The following SART3 variants were observed in gnomAD, a reference collection of about 807,000 sequenced individuals.
SART3 encodes spliceosome associated factor 3, U4/U6 recycling protein.
In SART3, 44 loss-of-function variants were observed where a neutral mutation model predicts 122.3. The ratio of observed to expected loss-of-function variants is 0.36; its 90% CI spans 0.28 to 0.46. The LOEUF (loss-of-function observed/expected upper bound fraction) is 0.46. Among genes scored for constraint, SART3 ranks in the 20% least tolerant of loss-of-function variants. The pLI, the probability that SART3 is intolerant of heterozygous loss-of-function variation, is 1.00. For missense variants in SART3, 1,101 were observed against 1,229.0 expected, an observed-to-expected ratio of 0.90 and a Z score of 1.56; for synonymous variants, 442 against 454.0, an observed-to-expected ratio of 0.97 and a Z score of 0.34.
At chr12:108,531,351 A>C in intron 13 of SART3, 71 bp from the exon 14 acceptor site, 2 of 1,185,138 alleles carry the variant, frequency 1.7e-6, no homozygotes, top group South Asian at 1.2e-5. Flanking sequence ...AATTTTTCTT[A>C]ATTTCTCTGT....
rs1301283180 is a variant in SART3, at chr12:108,547,836, C to T, written c.544+51G>A. ...TCATAATACAGTCCTCAACAGCAGA[C>T]TGATATATATGACATTGCCAGATAT... is the stretch of plus-strand genomic sequence containing the variant. On this transcript the variant is annotated intron_variant, in intron 3 of 18. Transcript: ENST00000546815. 7 of 1,327,588 alleles carry T rather than the reference C, an allele frequency of 5.3e-6. No individual in the cohort carries two copies. The African/African-American group carries it at 8.6e-5, about 16-fold the overall frequency. The allele number at this position is 1,327,588 out of a possible 1,614,324, so 82.2% of individuals were successfully genotyped here.
chr12:108,560,994 G>T lies in SART3; in HGVS notation c.161C>A (p.Ala54Glu). ...AAATYKTMGP[A>E]WDQQEEGVSE... Reference sequence around the variant, plus strand: ...CACGCCTTCCTCCTGCTGATCCCACGCTGGCCCCATGGTCTTGTATGTCGC... The same window carrying T: ...CACGCCTTCCTCCTGCTGATCCCACTCTGGCCCCATGGTCTTGTATGTCGC... Residue 54 changes from alanine to glutamate, a missense_variant, in exon 1 of 19, where the codon GCG (alanine) becomes GAG (glutamate). Coordinates refer to ENST00000546815, the MANE Select transcript of SART3 (RefSeq NM_014706.4). 6.2e-7 allele frequency: 1 copy of T among 1,614,060 alleles called. No individual in the cohort carries two copies. The highest frequency in any genetic ancestry group is 8.5e-7 in the Non-Finnish European group (1 of 1,180,018).
intron 1 of SART3, among the ~76,000 whole-genome samples, chr12:108,556,994 G>A (rs1256292444): frequency 3.3e-5 from 5 of 152,124 alleles, no homozygotes; most frequent in Non-Finnish European, 5.9e-5. Context: ...AAGTCAAGAA[G>A]CTGACTTTTA....
chr12:108,549,590 G>A (rs891065008), intron 1 of SART3, among the ~76,000 whole-genome samples: 8 of 152,042 alleles, frequency 5.3e-5, no homozygotes, highest in African/African-American at 1.7e-4. Flanking sequence ...CTCATACCAG[G>A]TCTTCCAAGG....
chr12:108,537,285 A>G (rs1395918997), intron 9 of SART3: 6 of 565,236 alleles, frequency 1.1e-5, no homozygotes, highest in Non-Finnish European at 1.9e-5. Context: ...AGGAGCCAGT[A>G]TAAACGATTA....
chr12:108,526,675 C>T (rs1872400746), intron 15 of SART3, 122 bp from the exon 16 acceptor site: 4 of 1,046,556 alleles, frequency 3.8e-6, no homozygotes, highest in Admixed American at 3.8e-5. Context: ...CCTCACCAGA[C>T]TCGGAGGGGC....
chr12:108,539,108 G>T lies in SART3; in HGVS notation c.907-19C>A. ...CCTGCAACTGGAGTACAGGAAAATT[G>T]TATTGAATTTAGTTACTGGCAGGAA... is the stretch of plus-strand genomic sequence containing the variant. On this transcript the variant is annotated intron_variant, in intron 6 of 18. Coordinates refer to ENST00000546815, the MANE Select transcript of SART3 (RefSeq NM_014706.4). 1 of 1,613,882 alleles carries T rather than the reference G, an allele frequency of 6.2e-7. No individual in the cohort carries two copies. The highest frequency in any genetic ancestry group is 8.5e-7 in the Non-Finnish European group (1 of 1,179,946).
chr12:108,542,168 A>G (rs1873198822), intron 6 of SART3, among the ~76,000 whole-genome samples: 1 of 152,092 alleles, frequency 6.6e-6, no homozygotes, highest in African/African-American at 2.4e-5. Context: ...ACACGCACAA[A>G]AATTTGAATG....
At chr12:108,546,407 G>A (rs1873419918) in intron 3 of SART3, among the ~76,000 whole-genome samples, 1 of 152,062 alleles carries the variant, frequency 6.6e-6, no homozygotes, top group Admixed American at 6.5e-5. Flanking sequence ...CACCGTGATA[G>A]CCAGGATGGT....
rs1227775474 is a variant in SART3 at position 108,524,046 on chromosome 12, G to C, written c.2714+270C>G. 3 of 570,256 alleles carry C rather than the reference G, an allele frequency of 5.3e-6. No individual in the cohort carries two copies. In the East Asian group the frequency reaches 9.0e-5, roughly 17 times the overall value. 35.3% of individuals were successfully genotyped at this position (570,256 alleles called of 1,614,324 possible). On this transcript the variant is annotated intron_variant, in intron 18 of 18. Coordinates refer to ENST00000546815, the MANE Select transcript of SART3 (RefSeq NM_014706.4). ...AAACACACAGATCCAACTGGCAAAG[G>C]GGACTTTAAAATAATCACTGCCTTA...
At position 108,525,475 on chromosome 12, in the gene SART3, G is replaced by C; in HGVS notation, c.2505C>G (p.Asn835Lys). 6.2e-7 allele frequency: 1 copy of C among 1,614,216 alleles called. No individual in the cohort carries two copies. The highest frequency in any genetic ancestry group is 8.5e-7 in the Non-Finnish European group (1 of 1,180,034). The change falls in exon 17 of 19, where the codon AAC (asparagine) becomes AAG (lysine). Residue 835 changes from asparagine (N) to lysine (K), a missense_variant. Physicochemically the swap from Asn to Lys is moderately conservative, Grantham distance 94 (BLOSUM62 0). Around this residue, in one of 2 missense-constraint regions of SART3, gnomAD observed 885 missense variants for 1,080.1 expected, o/e 0.82. Transcript: ENST00000546815. ...CTCTGACCTTTGGTTTGCCAGCCCG[G>C]TTGGTGACCAGCCTGAGGTCCTTCA... Reference protein sequence around the residue: ...GTVKDLRLVTNRAGKPKGLAY... With the variant: ...GTVKDLRLVTKRAGKPKGLAY...
chr12:108,550,878 AT>A (rs1419497970), intron 1 of SART3, among the ~76,000 whole-genome samples: 1 of 152,198 alleles, frequency 6.6e-6, no homozygotes, highest in African/African-American at 2.4e-5. Context: ...CAAGATGAAA[AT>A]CTAAAAAATA....
chr12:108,561,131 C>G lies in SART3; in HGVS notation c.24G>C (p.Ser8=), dbSNP rs1433120085. Residue 8 remains serine, a synonymous_variant, in exon 1 of 19, where the codon TCG becomes TCC. Coordinates refer to ENST00000546815, the MANE Select transcript of SART3 (RefSeq NM_014706.4). MATAAET[S]ASEPEAESKA... is the part of the protein sequence containing the mutation. ...TGGACTCAGCCTCGGGTTCTGAAGC[C>G]GAGGTTTCGGCCGCAGTCGCCATCT... is the stretch of plus-strand genomic sequence containing the variant. 1 of 1,613,370 alleles carries G rather than the reference C, an allele frequency of 6.2e-7. No homozygotes were observed.
rs1872375388 is a variant in SART3, at chr12:108,526,286, G to A, written c.2183C>T (p.Ala728Val). The A allele has an allele frequency of 1.2e-6, 2 of 1,614,198 alleles. No individual in the cohort carries two copies. The highest frequency in any genetic ancestry group is 2.7e-5 in the African/African-American group (2 of 75,044). The change falls in exon 16 of 19, where the codon GCC (alanine) becomes GTC (valine). Residue 728 changes from alanine (A) to valine (V), a missense_variant. Physicochemically the swap from Ala to Val is moderately conservative, Grantham distance 64. This residue lies in a region of SART3 where 885 missense variants were observed against 1,080.1 expected (regional missense o/e 0.82). Coordinates refer to ENST00000546815, the MANE Select transcript of SART3 (RefSeq NM_014706.4). The part of the protein sequence containing the change: ...PDTKLRPLFE[A>V]CGEVVQIRPI... ...TCGGATCTGGACCACCTCCCCACAG[G>A]CCTCGAAGAGTGGCCTGAGCTTCGT... is the stretch of plus-strand genomic sequence containing the variant.
chr12:108,557,600 G>C (rs2030286315), intron 1 of SART3, among the ~76,000 whole-genome samples: 1 of 152,132 alleles, frequency 6.6e-6, no homozygotes, highest in South Asian at 2.1e-4. Flanking sequence ...CCCCACAACA[G>C]TCCCATGAGG....
At chr12:108,556,747 C>T (rs188995180) in intron 1 of SART3, among the ~76,000 whole-genome samples, 21 of 152,318 alleles carry the variant, frequency 1.4e-4, no homozygotes, top group African/African-American at 4.8e-4. Context: ...ACAAAGTAAC[C>T]GCAGTTTGGG....
chr12:108,536,554 T>C lies in SART3; in HGVS notation c.1406A>G (p.Asp469Gly), dbSNP rs1004967211. The C allele has an allele frequency of 1.2e-6, 2 of 1,614,166 alleles. No homozygotes were observed. The highest frequency in any genetic ancestry group is 1.3e-5 in the African/African-American group (1 of 75,036). Residue 469 changes from aspartate to glycine, a missense_variant, in exon 11 of 19, where the codon GAT becomes GGT. By Grantham distance (94) the Asp-to-Gly change is moderately conservative. Around this residue, in one of 2 missense-constraint regions of SART3, gnomAD observed 885 missense variants for 1,080.1 expected, o/e 0.82. Coordinates refer to ENST00000546815, the MANE Select transcript of SART3 (RefSeq NM_014706.4). The stretch of plus-strand genomic sequence containing the variant: ...GTTCTGCATAATCACGCAGCTTGGA[T>C]CACCACTCTCATTGAAACCTTCAAA... The part of the protein sequence containing the change: ...EVEERFNESG[D>G]PSCVIMQNWA...
chr12:108,539,252 CAA>C (rs1873052022), intron 6 of SART3, among the ~76,000 whole-genome samples, 163 bp from the exon 7 acceptor site: 1 of 152,236 alleles, frequency 6.6e-6, no homozygotes, highest in African/African-American at 2.4e-5. Context: ...TTGAGCAAAA[CAA>C]GAGTCTTCTC....
chr12:108,530,215 C>T lies in SART3; in HGVS notation c.1842G>A (p.Lys614=). The change falls in exon 15 of 19, where the codon AAG becomes AAA. Residue 614 remains lysine (K), a synonymous_variant. Coordinates refer to ENST00000546815, the MANE Select transcript of SART3 (RefSeq NM_014706.4). ...ARAEKKALKK[K]KKIRGPEKRG... Reference sequence around the variant, plus strand: ...GCTTCTCTGGGCCTCTGATCTTTTTCTTCTTTTTTAACGCTTTCTTCTCAG... The same window carrying T: ...GCTTCTCTGGGCCTCTGATCTTTTTTTTCTTTTTTAACGCTTTCTTCTCAG... The T allele has an allele frequency of 6.2e-7, 1 of 1,614,086 alleles. No individual in the cohort carries two copies. Among genetic ancestry groups the T allele is most frequent in the South Asian group, 1.1e-5 (1 of 91,074 alleles).
Sources: gnomAD v4.1 joint callset for allele counts (sites outside exome capture counted in the v4.1 genomes callset) on GRCh38, gnomAD v4.1.1 for gene constraint, gnomAD v4.1.1 regional missense constraint, MANE v1.5 for transcripts, NCBI Gene and HGNC (gene_info 2026-07-23, HGNC 2026-07-21) for gene names.